Variants in GMDS observed in about 807,000 individuals in gnomAD.
GMDS encodes GDP-mannose 4,6-dehydratase, also known as GDP-mannose 4,6 dehydratase.
Under a neutral mutation model 49.9 loss-of-function variants are expected in GMDS, and 20 were observed. That is an observed-to-expected ratio of 0.40 (90% CI 0.28 to 0.58). The LOEUF (loss-of-function observed/expected upper bound fraction) is 0.58. GMDS is among the 20% of genes least tolerant of loss of function. The pLI is 0.42. For synonymous variants in GMDS, 177 were observed against 178.6 expected (o/e 0.99, Z 0.07); for missense variants, 362 against 481.4 (o/e 0.75, Z 2.32).
intron 7 of GMDS, among the ~76,000 whole-genome samples, chr6:1,924,414 A>G (rs1761889676): frequency 6.6e-6 from 1 of 152,102 alleles, no homozygotes; most frequent in Admixed American, 6.6e-5. Context: ...CACTTTATAC[A>G]TGGCTTTTAC....
intron 7 of GMDS, among the ~76,000 whole-genome samples, chr6:1,746,718 T>C (rs75833774): frequency 3.3e-5 from 5 of 151,008 alleles, no homozygotes; most frequent in Non-Finnish European, 7.4e-5. Flanking sequence ...TATTTATTTT[T>C]TGAGACAGAA....
chr6:1,689,980 C>G (rs1276137648), intron 9 of GMDS, among the ~76,000 whole-genome samples: 1 of 152,046 alleles, frequency 6.6e-6, no homozygotes, highest in Non-Finnish European at 1.5e-5. Context: ...GGGTACCCAT[C>G]TGTAATCCCA....
chr6:1,856,834 A>C (rs1433578437), intron 7 of GMDS, among the ~76,000 whole-genome samples: 1 of 152,202 alleles, frequency 6.6e-6, no homozygotes, highest in East Asian at 1.9e-4. Flanking sequence ...TGTGAACAGA[A>C]TCCTTCCTTA....
rs544181690 is a variant in GMDS, at chr6:2,009,121, T to C, written c.346-48155A>G. On this transcript the variant is annotated intron_variant, in intron 4 of 10. Transcript: ENST00000380815. The stretch of plus-strand genomic sequence containing the variant: ...TAGGTTTGTATTTAGTGCCACTTCT[T>C]GACTGACCAGTCACATTTGGGAACA... Among the ~76,000 whole-genome samples, 7 of 152,342 alleles carry C rather than the reference T, an allele frequency of 4.6e-5. No homozygotes were observed. The South Asian group carries it at 1.2e-3, about 27-fold the overall frequency.
intron 7 of GMDS, among the ~76,000 whole-genome samples, chr6:1,893,079 C>G (rs1318887232): frequency 1.3e-5 from 2 of 152,162 alleles, no homozygotes; most frequent in African/African-American, 4.8e-5. Context: ...GCTTCCCCAT[C>G]CACCTCCTTC....
rs1468132211 is a variant in GMDS at position 1,766,922 on chromosome 6, T to C, written c.772-24336A>G. Reference sequence around the variant, plus strand: ...GGCTTAAAGGAGCACCGGGTAAGGGTTCTTTATTTCCTGCTGAATCTGACT... The same window carrying C: ...GGCTTAAAGGAGCACCGGGTAAGGGCTCTTTATTTCCTGCTGAATCTGACT... On this transcript the variant is annotated intron_variant, in intron 7 of 10. Transcript: ENST00000380815. The surrounding 1 kb of genome is among the most constrained non-coding windows in gnomAD (Gnocchi z 4.5). Among the ~76,000 whole-genome samples, 1 of 152,144 alleles carries C rather than the reference T, an allele frequency of 6.6e-6. No homozygotes were observed. Among genetic ancestry groups the C allele is most frequent in the Non-Finnish European group, 1.5e-5 (1 of 68,036 alleles).
At chr6:1,907,785 G>C (rs939911782) in intron 7 of GMDS, among the ~76,000 whole-genome samples, 2 of 152,154 alleles carry the variant, frequency 1.3e-5, no homozygotes, top group African/African-American at 2.4e-5. Context: ...AACATAAGTT[G>C]CATGTCCATA....
intron 1 of GMDS, among the ~76,000 whole-genome samples, chr6:2,163,223 G>C (rs1777493523): frequency 6.6e-6 from 1 of 151,418 alleles, no homozygotes; most frequent in Admixed American, 6.6e-5. Flanking sequence ...ACAAGCAAGG[G>C]AAGTGTCAGA....
At position 1,705,202 on chromosome 6, in the gene GMDS, G is replaced by A. The variant is rs149120027; in HGVS notation, c.987+21214C>T. Among the ~76,000 whole-genome samples the A allele has an allele frequency of 1.7e-4, 26 of 152,302 alleles. No individual in the cohort carries two copies. In the East Asian group the frequency reaches 4.4e-3, roughly 26 times the overall value. Reference sequence around the variant, plus strand: ...ATGCTTAAAGAGCCAAAAAGACAGTGGTAGAAATAGACACAAATAATCAGA... The same window carrying A: ...ATGCTTAAAGAGCCAAAAAGACAGTAGTAGAAATAGACACAAATAATCAGA... On this transcript the variant is annotated intron_variant, in intron 9 of 10. Transcript: ENST00000380815.
chr6:1,761,213 T>C (rs1768141811), intron 7 of GMDS, among the ~76,000 whole-genome samples: 1 of 152,106 alleles, frequency 6.6e-6, no homozygotes, highest in Non-Finnish European at 1.5e-5. Context: ...ACATTATAGA[T>C]GATCAAGGGA....
chr6:2,233,402 G>A (rs1781203946), intron 1 of GMDS, among the ~76,000 whole-genome samples: 1 of 146,190 alleles, frequency 6.8e-6, no homozygotes, highest in African/African-American at 2.5e-5. Context: ...TTCAGTGAAG[G>A]GCCAGAGAGT....
intron 1 of GMDS, among the ~76,000 whole-genome samples, chr6:2,213,348 G>A (rs1780160326): frequency 6.6e-6 from 1 of 152,118 alleles, no homozygotes; most frequent in Non-Finnish European, 1.5e-5. Context: ...TTTACTAATG[G>A]TGGGACCTTA....
chr6:1,696,321 T>C (rs1201869535), intron 9 of GMDS, among the ~76,000 whole-genome samples: 2 of 152,272 alleles, frequency 1.3e-5, no homozygotes, highest in African/African-American at 4.8e-5. Flanking sequence ...GGCTAGGGCC[T>C]ACGCCGTGAT....
In GMDS at chr6:2,174,128, T is replaced by C. The variant is rs112377969; in HGVS notation, c.103-49397A>G. ...TGGGCGGTCTCACTCATTCAATAAA[T>C]ATGTATTAAGCATCTTCTGTGTGCA... is the stretch of plus-strand genomic sequence containing the variant. On this transcript the variant is annotated intron_variant, in intron 1 of 10. Coordinates refer to ENST00000380815, the MANE Select transcript of GMDS (RefSeq NM_001500.4). Among the ~76,000 whole-genome samples, 183 of 152,320 alleles carry C rather than the reference T, an allele frequency of 1.2e-3. 1 individual carries two copies. The Middle Eastern group carries it at 0.031, about 25-fold the overall frequency.
At chr6:1,669,463 C>A (rs751935413) in intron 9 of GMDS, among the ~76,000 whole-genome samples, 31 of 152,166 alleles carry the variant, frequency 2.0e-4, no homozygotes, top group Non-Finnish European at 3.8e-4. Context: ...GAGAGAAAAA[C>A]GCACTTTGTG....
chr6:1,700,234 A>G (rs1009116868), intron 9 of GMDS, among the ~76,000 whole-genome samples: 3 of 152,222 alleles, frequency 2.0e-5, no homozygotes, highest in African/African-American at 7.2e-5. Flanking sequence ...TTAAAGTATT[A>G]TTAGAAAACT....
chr6:1,899,954 C>G (rs1760415395), intron 7 of GMDS, among the ~76,000 whole-genome samples: 1 of 151,138 alleles, frequency 6.6e-6, no homozygotes. Context: ...TGCCTACACA[C>G]TAAAGAGAAC....
At chr6:1,829,717 G>A (rs78120346) in intron 7 of GMDS, among the ~76,000 whole-genome samples, 1 of 152,220 alleles carries the variant, frequency 6.6e-6, no homozygotes, top group South Asian at 2.1e-4. Flanking sequence ...AGGGATTACA[G>A]GCGTAGCCAC....
intron 9 of GMDS, among the ~76,000 whole-genome samples, chr6:1,693,826 A>G (rs1026195323): frequency 3.3e-5 from 5 of 152,210 alleles, no homozygotes; most frequent in African/African-American, 1.2e-4. Context: ...TTTACTGAGC[A>G]CGTGCTATGT....
Sources: gnomAD v4.1 joint callset for allele counts (sites outside exome capture counted in the v4.1 genomes callset) on GRCh38, gnomAD v4.1.1 for gene constraint, Gnocchi (gnomAD v3.1) non-coding constraint, MANE v1.5 for transcripts, NCBI Gene and HGNC (gene_info 2026-07-23, HGNC 2026-07-21) for gene names.